The following ROBO2 variants were observed in gnomAD, a reference collection of about 807,000 sequenced individuals.
ROBO2 encodes the protein roundabout guidance receptor 2.
In ROBO2, 53 loss-of-function variants were observed where a neutral mutation model predicts 160.8. That is an observed-to-expected ratio of 0.33 (90% CI 0.26 to 0.41). The LOEUF (loss-of-function observed/expected upper bound fraction) is 0.41. ROBO2 is among the 10% of genes least tolerant of loss of function. The probability of loss-of-function intolerance (pLI) is 1.00; values close to 1 mark genes in which losing one functional copy is unlikely to be tolerated. For synonymous variants in ROBO2, 664 were observed against 611.7 expected (o/e 1.09, Z -1.26); for missense variants, 1,577 against 1,722.4 (o/e 0.92, Z 1.49).
At chr3:76,644,323 G>A (rs1454944690) in intron 2 of ROBO2, among the ~76,000 whole-genome samples, 1 of 119,492 alleles carries the variant, frequency 8.4e-6, no homozygotes, top group African/African-American at 3.4e-5. Context: ...AGCATAAGGG[G>A]TAAAAAAGCC....
At chr3:76,776,652 A>C (rs888527591) in intron 2 of ROBO2, among the ~76,000 whole-genome samples, 3 of 150,904 alleles carry the variant, frequency 2.0e-5, no homozygotes, top group African/African-American at 7.3e-5. Flanking sequence ...ACACAGTGAA[A>C]ACACAGTAAA....
chr3:76,891,905 G>A (rs1202767973), intron 2 of ROBO2, among the ~76,000 whole-genome samples: 2 of 152,128 alleles, frequency 1.3e-5, no homozygotes, highest in Non-Finnish European at 2.9e-5. Flanking sequence ...AAAGTGGTTC[G>A]AGTTCTAGAA....
chr3:76,894,395 G>A (rs2148834018), intron 2 of ROBO2, among the ~76,000 whole-genome samples: 1 of 152,098 alleles, frequency 6.6e-6, no homozygotes, highest in Middle Eastern at 3.4e-3. Context: ...TATTTAGTAT[G>A]TTTTACTATC....
chr3:77,255,621 T>A (rs537152354), intron 2 of ROBO2, among the ~76,000 whole-genome samples: 3 of 152,180 alleles, frequency 2.0e-5, no homozygotes, highest in South Asian at 2.1e-4. Flanking sequence ...ACCATAGCAA[T>A]TTAGGAGATA....
rs575978782 is a variant in ROBO2 at position 77,380,672 on chromosome 3, TCTCCCTCCTTCCCTCC to T, written c.389-96723_389-96708del. Among the ~76,000 whole-genome samples, 571 of 138,088 alleles carry T rather than the reference TCTCCCTCCTTCCCTCC, an allele frequency of 4.1e-3. 5 individuals carry two copies. The highest frequency in any genetic ancestry group is 5.8e-3 in the East Asian group (24 of 4,144). 90.6% of individuals were successfully genotyped at this position (138,088 alleles called of 152,430 possible). On this transcript the variant is annotated intron_variant, in intron 2 of 25. Transcript: ENST00000461745. ...TTTCTCCCTCTTCCCTCCCTCCCTC[TCTCCCTCCTTCCCTCC>T]CTCCCTCCTTCCCTCCCTTCCTTCC...
In ROBO2 at chr3:77,162,588, C is replaced by G. The variant is rs149710707; in HGVS notation, c.388+64248C>G. Among the ~76,000 whole-genome samples the G allele has an allele frequency of 1.6e-4, 24 of 152,288 alleles. No homozygotes were observed. In the East Asian group the frequency reaches 4.4e-3, roughly 28 times the overall value. ...ACTTACATAATGGAAACAGTACACACCTGCCTCTGTGTCACTCTCTCCCTG... is the reference window on the plus strand; with the variant it reads ...ACTTACATAATGGAAACAGTACACAGCTGCCTCTGTGTCACTCTCTCCCTG... On this transcript the variant is annotated intron_variant, in intron 2 of 25. Transcript: ENST00000461745.
In ROBO2 at chr3:76,615,046, T is replaced by C. The variant is rs1578555659; in HGVS notation, c.110-482968T>C. ...TTAATATAAATCTATTATTTAGACA[T>C]CCGGAATTTCTACCAATAGGAAATT... On this transcript the variant is annotated intron_variant, in intron 2 of 26. Coordinates refer to the ROBO2 transcript ENST00000487694. Among the ~76,000 whole-genome samples, 4 of 152,092 alleles carry C rather than the reference T, an allele frequency of 2.6e-5. No individual in the cohort carries two copies. The South Asian group carries it at 8.3e-4, about 31-fold the overall frequency.
chr3:77,158,610 T>C (rs917577725), intron 2 of ROBO2, among the ~76,000 whole-genome samples: 1 of 152,130 alleles, frequency 6.6e-6, no homozygotes, highest in African/African-American at 2.4e-5. Context: ...GTTTTTCATA[T>C]CTTAGATAAT....
chr3:77,241,818 G>A (rs975201794), intron 2 of ROBO2, among the ~76,000 whole-genome samples: 9 of 152,152 alleles, frequency 5.9e-5, no homozygotes, highest in African/African-American at 2.2e-4. Flanking sequence ...TAAGTATCAA[G>A]AAAAGATCAT....
intron 2 of ROBO2, among the ~76,000 whole-genome samples, chr3:76,397,335 A>T (rs973665282): frequency 1.3e-5 from 2 of 152,224 alleles, no homozygotes; most frequent in Non-Finnish European, 2.9e-5. Context: ...AAGGTGGAAT[A>T]AAGACTTAAA....
chr3:76,403,139 T>TG (rs2077937572), intron 2 of ROBO2, among the ~76,000 whole-genome samples: 1 of 151,458 alleles, frequency 6.6e-6, no homozygotes, highest in African/African-American at 2.4e-5. Context: ...TAAACCTCTG[T>TG]GGGGGGCCAT....
chr3:76,223,950 T>A (rs1342261347), intron 2 of ROBO2, among the ~76,000 whole-genome samples: 1 of 152,196 alleles, frequency 6.6e-6, no homozygotes, highest in Non-Finnish European at 1.5e-5. Context: ...ATAGCTAATA[T>A]AAATATTTTG....
chr3:76,649,836 C>T lies in ROBO2; in HGVS notation c.110-448178C>T, dbSNP rs559268944. On this transcript the variant is annotated intron_variant, in intron 2 of 26. Coordinates refer to the ROBO2 transcript ENST00000487694. Reference sequence around the variant, plus strand: ...AGAACAAAAAAGAAGAGAAAAGGCACGACTCTTATAAAACCATATTAACAA... The same window carrying T: ...AGAACAAAAAAGAAGAGAAAAGGCATGACTCTTATAAAACCATATTAACAA... Among the ~76,000 whole-genome samples, 180 of 152,048 alleles carry T rather than the reference C, an allele frequency of 1.2e-3. 1 individual carries two copies. The highest frequency in any genetic ancestry group is 0.01 in the Middle Eastern group (3 of 292).
intron 2 of ROBO2, among the ~76,000 whole-genome samples, chr3:76,707,642 G>A (rs1204833216): frequency 1.3e-5 from 2 of 151,042 alleles, no homozygotes; most frequent in Non-Finnish European, 2.9e-5. Flanking sequence ...TAAGACCCAT[G>A]GGATTTTCAT....
intron 2 of ROBO2, among the ~76,000 whole-genome samples, chr3:76,100,914 C>CA: frequency 6.6e-6 from 1 of 152,100 alleles, no homozygotes; most frequent in South Asian, 2.1e-4. Flanking sequence ...ATATAGGATA[C>CA]AATTGTGAGC....
At chr3:77,574,010 T>C (rs2093701368) in intron 13 of ROBO2, among the ~76,000 whole-genome samples, 1 of 152,014 alleles carries the variant, frequency 6.6e-6, no homozygotes, top group Admixed American at 6.6e-5. Flanking sequence ...TTCTGGCACC[T>C]ATGAGTAGGA....
At chr3:76,496,826 A>G (rs1296112343) in intron 2 of ROBO2, among the ~76,000 whole-genome samples, 14 of 152,172 alleles carry the variant, frequency 9.2e-5, no homozygotes, top group Admixed American at 9.2e-4. Context: ...CTCATCAACC[A>G]TACTATTATA....
chr3:76,171,643 T>G (rs2073043958), intron 2 of ROBO2, among the ~76,000 whole-genome samples: 1 of 152,046 alleles, frequency 6.6e-6, no homozygotes, highest in Non-Finnish European at 1.5e-5. Context: ...GTAGCTACAT[T>G]ATCCCAGTGC....
chr3:76,936,498 G>A (rs371087405), intron 2 of ROBO2, among the ~76,000 whole-genome samples: 22 of 152,072 alleles, frequency 1.4e-4, no homozygotes, highest in South Asian at 4.2e-4. Context: ...GGTGGACAGC[G>A]TTGCTCCTCC....
Sources: allele counts gnomAD v4.1 joint callset (sites outside exome capture counted in the v4.1 genomes callset), GRCh38; gene constraint gnomAD v4.1.1; transcripts MANE v1.5; gene names NCBI Gene and HGNC (gene_info 2026-07-23, HGNC 2026-07-21).